The following TMEM45A variants were observed in gnomAD, a reference collection of about 807,000 sequenced individuals.
TMEM45A encodes DNA polymerase-transactivated protein 4.
TMEM45A carries 25 observed loss-of-function variants against 32.0 expected under a neutral mutation model. That is an observed-to-expected ratio of 0.78 (90% CI 0.57 to 1.09). The LOEUF (loss-of-function observed/expected upper bound fraction) is 1.09. Among genes scored for constraint, TMEM45A ranks in the 50% least tolerant of loss-of-function variants. TMEM45A has a pLI of 0.00. For synonymous variants in TMEM45A, 122 were observed against 114.8 expected, an observed-to-expected ratio of 1.06 and a Z score of -0.40; for missense variants, 302 against 325.0, an observed-to-expected ratio of 0.93 and a Z score of 0.54.
chr3:100,543,210 T>C (rs1705921289), intron 1 of TMEM45A, among the ~76,000 whole-genome samples: 1 of 152,242 alleles, frequency 6.6e-6, no homozygotes, highest in South Asian at 2.1e-4. Flanking sequence ...TATTATATTC[T>C]GTTGTATATA....
intron 1 of TMEM45A, among the ~76,000 whole-genome samples, chr3:100,528,592 C>G (rs1020598309): frequency 2.0e-5 from 3 of 152,024 alleles, no homozygotes; most frequent in Non-Finnish European, 4.4e-5. Context: ...GAACATTTTC[C>G]GAGAAGCATG....
In TMEM45A at chr3:100,577,278, A is replaced by G. The variant is rs1132532; in HGVS notation, c.*260A>G. The G allele has an allele frequency of 9.1e-6, 3 of 328,972 alleles. No individual in the cohort carries two copies. Among genetic ancestry groups the G allele is most frequent in the Non-Finnish European group, 1.7e-5 (3 of 181,632 alleles). 20.4% of individuals were successfully genotyped at this position (328,972 alleles called of 1,614,324 possible). A position where few individuals can be genotyped will look rare whatever the true frequency, so the allele number is the denominator to read the frequency against. ...AGAGTGATTTTTTTCCAGATTATCT[A>G]AAGTTGGATGCCCACACTATGAAAG... is the stretch of plus-strand genomic sequence containing the variant. On this transcript the variant is annotated 3_prime_UTR_variant, in exon 6 of 6. Transcript: ENST00000323523.
chr3:100,574,825 G>A (rs1183747687), intron 5 of TMEM45A, among the ~76,000 whole-genome samples: 1 of 152,082 alleles, frequency 6.6e-6, no homozygotes, highest in Non-Finnish European at 1.5e-5. Flanking sequence ...TTAAATATAG[G>A]CTTCATTTGT....
intron 1 of TMEM45A, among the ~76,000 whole-genome samples, chr3:100,536,991 G>A (rs577232216): frequency 2.6e-5 from 4 of 152,256 alleles, no homozygotes; most frequent in African/African-American, 7.2e-5. Context: ...GCACGATCTC[G>A]GCTCACTACA....
intron 1 of TMEM45A, among the ~76,000 whole-genome samples, chr3:100,551,293 T>C (rs9845649): frequency 0.52 from 78,830 of 151,906 alleles, 22,358 homozygotes; most frequent in African/African-American, 0.76. Context: ...GATTACAGGC[T>C]TGAGCCACTG....
chr3:100,515,636 A>G (rs1424677024), intron 1 of TMEM45A, among the ~76,000 whole-genome samples: 1 of 152,046 alleles, frequency 6.6e-6, no homozygotes, highest in Non-Finnish European at 1.5e-5. Flanking sequence ...AATAATAAAA[A>G]AAAAAAAAGA....
chr3:100,576,989 C>T lies in TMEM45A; in HGVS notation c.799C>T (p.Arg267Ter), dbSNP rs369699545. The change falls in exon 6 of 6, where the codon CGA becomes TGA. Residue 267 changes from arginine to a stop codon, truncating the protein, a stop_gained. Coordinates refer to ENST00000323523, the MANE Select transcript of TMEM45A (RefSeq NM_018004.3). LOFTEE classifies it high-confidence loss of function. ...SEVGLLKNAE[R>*]EQESEEEM ...AGTTGGACTTCTGAAAAATGCTGAA[C>T]GAGAACAAGAATCAGAAGAAGAAAT... 1.8e-5 allele frequency: 29 copies of T among 1,613,256 alleles called. No individual in the cohort carries two copies. Among genetic ancestry groups the T allele is most frequent in the Admixed American group, 6.7e-5 (4 of 59,968 alleles).
intron 1 of TMEM45A, among the ~76,000 whole-genome samples, chr3:100,539,406 T>C (rs958973456): frequency 1.4e-5 from 2 of 144,630 alleles, no homozygotes; most frequent in African/African-American, 5.1e-5. Flanking sequence ...AGTATTAGGG[T>C]TCTCCAGAGA....
At chr3:100,570,381 G>A (rs1160373182) in intron 5 of TMEM45A, among the ~76,000 whole-genome samples, 1 of 152,216 alleles carries the variant, frequency 6.6e-6, no homozygotes. Context: ...GGCACCGGGT[G>A]AAGAAATCAT....
intron 4 of TMEM45A, among the ~76,000 whole-genome samples, 156 bp downstream of exon 4, chr3:100,558,745 A>G (rs28613482): frequency 0.093 from 14,090 of 152,228 alleles, 2,183 homozygotes; most frequent in African/African-American, 0.32. Context: ...GAGTGTCCCA[A>G]TAGCCCTGAT....
chr3:100,558,326 C>T (rs900376921), intron 3 of TMEM45A, 79 bp from the exon 4 acceptor site: 3 of 1,554,252 alleles, frequency 1.9e-6, no homozygotes, highest in African/African-American at 2.7e-5. Flanking sequence ...AAAATTCTGT[C>T]TACGGAGAGA....
At position 100,557,202 on chromosome 3, in the gene TMEM45A, A is replaced by T. The variant is rs948114118; in HGVS notation, c.403+230A>T. On this transcript the variant is annotated intron_variant, in intron 3 of 5. Transcript: ENST00000323523. Reference sequence around the variant, plus strand: ...ACAATTGTTCAATTGCTATGTTCACATTTCACATCTGTCTCAAAGGACCAC... The same window carrying T: ...ACAATTGTTCAATTGCTATGTTCACTTTTCACATCTGTCTCAAAGGACCAC... 1.2e-4 allele frequency among the ~76,000 whole-genome samples: 19 copies of T among 152,218 alleles called. 1 individual carries two copies. Among genetic ancestry groups the T allele is most frequent in the African/African-American group, 4.1e-4 (17 of 41,466 alleles).
At chr3:100,505,025 A>G (rs2148930000) in intron 1 of TMEM45A, among the ~76,000 whole-genome samples, 1 of 152,260 alleles carries the variant, frequency 6.6e-6, no homozygotes, top group South Asian at 2.1e-4. Flanking sequence ...GGTCATTCCA[A>G]ATGTTCCTGA....
chr3:100,524,807 T>A (rs1470563326), intron 1 of TMEM45A, among the ~76,000 whole-genome samples: 1 of 152,208 alleles, frequency 6.6e-6, no homozygotes, highest in Non-Finnish European at 1.5e-5. Flanking sequence ...CTTCCTGCAA[T>A]GACATTTTTA....
intron 1 of TMEM45A, chr3:100,519,346 GT>G (rs1195692102): frequency 1.0e-5 from 6 of 572,070 alleles, no homozygotes; most frequent in Non-Finnish European, 1.9e-5. Flanking sequence ...TTGCTTACTA[GT>G]TGCTTTTGAC....
At chr3:100,550,216 AAT>A (rs1384866317) in intron 1 of TMEM45A, among the ~76,000 whole-genome samples, 894 of 53,718 alleles carry the variant, frequency 0.017, 9 homozygotes, top group African/African-American at 0.048. Context: ...AAGAAAAAAA[AAT>A]AAATCCTTAA....
At chr3:100,506,843 A>G (rs1708086691) in intron 1 of TMEM45A, among the ~76,000 whole-genome samples, 1 of 152,198 alleles carries the variant, frequency 6.6e-6, no homozygotes, top group African/African-American at 2.4e-5. Context: ...AGTAAGGACC[A>G]AACCAGGCAG....
At chr3:100,497,236 C>T (rs1251690206) in intron 1 of TMEM45A, among the ~76,000 whole-genome samples, 1 of 152,060 alleles carries the variant, frequency 6.6e-6, no homozygotes, top group Non-Finnish European at 1.5e-5. Flanking sequence ...TGATTCTTAC[C>T]AATGTGGCCT....
chr3:100,567,114 CT>C (rs1268806237), intron 4 of TMEM45A, among the ~76,000 whole-genome samples: 1 of 151,856 alleles, frequency 6.6e-6, no homozygotes, highest in Non-Finnish European at 1.5e-5. Context: ...GTGGTTTTAG[CT>C]CTCATATTTA....
Sources: allele counts gnomAD v4.1 joint callset (sites outside exome capture counted in the v4.1 genomes callset), GRCh38; gene constraint gnomAD v4.1.1; transcripts MANE v1.5; gene names NCBI Gene and HGNC (gene_info 2026-07-23, HGNC 2026-07-21).